Variants in IL1R2 observed in about 807,000 individuals in gnomAD.
IL1R2 encodes the protein interleukin-1 receptor type 2.
Under a neutral mutation model 39.5 loss-of-function variants are expected in IL1R2, and 46 were observed. That is an observed-to-expected ratio of 1.16 (90% CI 0.92 to 1.49). The LOEUF (loss-of-function observed/expected upper bound fraction) is 1.49, where lower values mean the gene tolerates loss of function less well. Ranked by LOEUF, IL1R2 falls within the 40% of genes most tolerant of loss-of-function variation. The pLI is 0.00. For missense variants in IL1R2, 537 were observed against 502.0 expected, an observed-to-expected ratio of 1.07 and a Z score of -0.67; for synonymous variants, 207 against 189.6, an observed-to-expected ratio of 1.09 and a Z score of -0.75.
chr2:101,993,375 G>A (rs970234163), intron 1 of IL1R2, among the ~76,000 whole-genome samples: 3 of 152,040 alleles, frequency 2.0e-5, no homozygotes, highest in Non-Finnish European at 4.4e-5. Context: ...GAGTACAGTC[G>A]ATGAATCCAA....
intron 3 of IL1R2, among the ~76,000 whole-genome samples, chr2:102,013,543 A>G (rs1203302167): frequency 6.9e-6 from 1 of 144,198 alleles, no homozygotes; most frequent in African/African-American, 2.6e-5. Flanking sequence ...AAAAAAAAAA[A>G]AAAAAAAAAG....
intron 1 of IL1R2, among the ~76,000 whole-genome samples, chr2:101,998,159 A>T (rs1294471488): frequency 6.6e-6 from 1 of 152,214 alleles, no homozygotes; most frequent in Non-Finnish European, 1.5e-5. Flanking sequence ...TTTGAACAAA[A>T]TTTAAACTGT....
At chr2:102,024,424 G>A in intron 6 of IL1R2, 109 bp from the exon 7 acceptor site, 2 of 738,942 alleles carry the variant, frequency 2.7e-6, no homozygotes, top group Non-Finnish European at 4.9e-6. Flanking sequence ...GGAAAGAATT[G>A]GGTGGTGAGG....
At chr2:102,020,233 C>A (rs1230533865) in intron 5 of IL1R2, among the ~76,000 whole-genome samples, 1 of 152,210 alleles carries the variant, frequency 6.6e-6, no homozygotes, top group Admixed American at 6.5e-5. Flanking sequence ...GCTAGCCTTG[C>A]ACATCCAGTG....
At chr2:102,008,300 C>A (rs1201932735) in intron 1 of IL1R2, among the ~76,000 whole-genome samples, 1 of 152,226 alleles carries the variant, frequency 6.6e-6, no homozygotes, top group African/African-American at 2.4e-5. Context: ...GCCAAGCACG[C>A]CTCTAGGTGC....
chr2:102,008,725 C>A, intron 2 of IL1R2, 83 bp downstream of exon 2: 2 of 1,253,280 alleles, frequency 1.6e-6, no homozygotes, highest in Non-Finnish European at 2.3e-6. Context: ...GTTTCCTTGT[C>A]AGAAAGCAAA....
At chr2:102,022,288 G>T in intron 6 of IL1R2, 39 bp downstream of exon 6, 2 of 1,554,464 alleles carry the variant, frequency 1.3e-6, no homozygotes. Flanking sequence ...CGCACCTGTG[G>T]GGGTGCCTGG....
intron 2 of IL1R2, 75 bp from the exon 3 acceptor site, chr2:102,009,487 C>T (rs112922178): frequency 2.1e-5 from 31 of 1,501,592 alleles, no homozygotes; most frequent in African/African-American, 1.8e-4. Context: ...CAGGATCAGT[C>T]CCAGGTGCAG....
intron 1 of IL1R2, among the ~76,000 whole-genome samples, chr2:101,996,241 C>T (rs2150417240): frequency 6.6e-6 from 1 of 152,244 alleles, no homozygotes; most frequent in East Asian, 1.9e-4. Flanking sequence ...GCTGCTCCCG[C>T]CACCAAGGAG....
chr2:102,002,481 GTGT>G (rs1201879505), intron 1 of IL1R2, among the ~76,000 whole-genome samples: 13 of 151,258 alleles, frequency 8.6e-5, no homozygotes, highest in African/African-American at 2.2e-4. Flanking sequence ...GTCTGTGTCT[GTGT>G]CTGTGTCTGT....
rs1677243624 is a variant in IL1R2, at chr2:102,019,757, T to A, written c.633T>A (p.Phe211Leu). ...GCTATTACCGCTGTGTCCTGACATT[T>A]GCCCATGAAGGCCAGCAATACAACA... ...DAGYYRCVLT[F>L]AHEGQQYNIT... The change falls in exon 5 of 9, where the codon TTT becomes TTA. Residue 211 changes from phenylalanine (F) to leucine (L), a missense_variant. Physicochemically the swap from Phe to Leu is conservative, Grantham distance 22. Transcript: ENST00000332549. 6.2e-7 allele frequency: 1 copy of A among 1,614,208 alleles called. No individual in the cohort carries two copies. The highest frequency in any genetic ancestry group is 1.3e-5 in the African/African-American group (1 of 75,068).
At chr2:102,013,922 A>G (rs1676825256) in intron 3 of IL1R2, among the ~76,000 whole-genome samples, 1 of 152,152 alleles carries the variant, frequency 6.6e-6, no homozygotes, top group Non-Finnish European at 1.5e-5. Context: ...TGTGCTCAGA[A>G]TAGGGAGAAC....
chr2:102,014,183 G>A (rs1050232932), intron 3 of IL1R2, among the ~76,000 whole-genome samples: 3 of 152,172 alleles, frequency 2.0e-5, no homozygotes, highest in African/African-American at 7.2e-5. Context: ...ATAGATTTAT[G>A]GGTTTTCCCA....
At chr2:102,009,485 G>A in intron 2 of IL1R2, 77 bp from the exon 3 acceptor site, 1 of 1,481,722 alleles carries the variant, frequency 6.7e-7, no homozygotes, top group Non-Finnish European at 9.2e-7. Context: ...ATCAGGATCA[G>A]TCCCAGGTGC....
intron 1 of IL1R2, among the ~76,000 whole-genome samples, chr2:102,006,806 C>A (rs757128343): frequency 5.7e-4 from 87 of 152,346 alleles, no homozygotes; most frequent in Admixed American, 1.0e-3. Flanking sequence ...CCGGCCCTGC[C>A]GATGGCCGGG....
chr2:101,992,208 G>A (rs749157670), intron 1 of IL1R2, among the ~76,000 whole-genome samples, 197 bp downstream of exon 1: 3 of 151,484 alleles, frequency 2.0e-5, no homozygotes, highest in Non-Finnish European at 4.4e-5. Context: ...CAGAGAGACA[G>A]AAAGAGGCAG....
At chr2:102,005,536 C>G (rs575014200) in intron 1 of IL1R2, among the ~76,000 whole-genome samples, 1 of 152,338 alleles carries the variant, frequency 6.6e-6, no homozygotes, top group African/African-American at 2.4e-5. Flanking sequence ...GACTCAGGTT[C>G]CCCTCTTACT....
chr2:101,994,324 C>A (rs371134939), intron 1 of IL1R2, among the ~76,000 whole-genome samples: 5 of 152,112 alleles, frequency 3.3e-5, no homozygotes, highest in Admixed American at 6.5e-5. Context: ...CCCGAGCCCC[C>A]CTCCCCTCCC....
chr2:102,013,576 G>GAAAAAAA (rs1559421494), intron 3 of IL1R2, among the ~76,000 whole-genome samples: 1 of 54,720 alleles, frequency 1.8e-5, no homozygotes, highest in Non-Finnish European at 4.0e-5. Flanking sequence ...AGAAAAGAAG[G>GAAAAAAA]AAAAGAAAAA....
Sources: gnomAD v4.1 joint callset for allele counts (sites outside exome capture counted in the v4.1 genomes callset) on GRCh38, gnomAD v4.1.1 for gene constraint, MANE v1.5 for transcripts, NCBI Gene and HGNC (gene_info 2026-07-23, HGNC 2026-07-21) for gene names.